MME: variants seen among roughly 807,000 people sequenced by gnomAD.
The protein encoded by MME is neprilysin.
In MME, 98 loss-of-function variants were observed where a neutral mutation model predicts 113.2. The ratio of observed to expected loss-of-function variants is 0.87; its 90% CI spans 0.74 to 1.02. MME has a LOEUF of 1.02. Ranked by LOEUF, MME falls within the 50% of genes least tolerant of loss-of-function variation. The pLI, the probability that MME is intolerant of heterozygous loss-of-function variation, is 0.00. For synonymous variants in MME, 292 were observed against 300.6 expected (o/e 0.97, Z 0.30); for missense variants, 836 against 896.0 (o/e 0.93, Z 0.86).
At chr3:155,025,838 G>A (rs1252421935) in intron 1 of MME, among the ~76,000 whole-genome samples, 3 of 150,398 alleles carry the variant, frequency 2.0e-5, no homozygotes, top group African/African-American at 7.3e-5. Flanking sequence ...GGGATTACAG[G>A]TGCCCGCCAC....
At chr3:155,116,421 T>A in intron 4 of MME, 58 bp from the exon 5 acceptor site, 2 of 1,247,512 alleles carry the variant, frequency 1.6e-6, no homozygotes, top group Non-Finnish European at 2.4e-6. Flanking sequence ...AGCAATTATG[T>A]TTGCATAGTG....
At chr3:155,029,701 A>G (rs1712904349) in intron 1 of MME, among the ~76,000 whole-genome samples, 1 of 152,140 alleles carries the variant, frequency 6.6e-6, no homozygotes, top group Non-Finnish European at 1.5e-5. Context: ...AATTCTGAAG[A>G]CATTTACATG....
chr3:155,092,549 C>A (rs965120761), intron 3 of MME, among the ~76,000 whole-genome samples: 14 of 152,174 alleles, frequency 9.2e-5, no homozygotes, highest in African/African-American at 3.1e-4. Flanking sequence ...GACTTCATTA[C>A]AGCATAATGC....
intron 1 of MME, among the ~76,000 whole-genome samples, chr3:155,069,030 G>C (rs1028315917): frequency 1.3e-5 from 2 of 152,158 alleles, no homozygotes; most frequent in East Asian, 3.9e-4. Context: ...AGATGAACTG[G>C]AACAAGGCTG....
chr3:155,125,820 T>C (rs541361743), intron 8 of MME, among the ~76,000 whole-genome samples: 1 of 152,186 alleles, frequency 6.6e-6, no homozygotes, highest in African/African-American at 2.4e-5. Flanking sequence ...TCTTACACGT[T>C]ATTAGATATT....
At chr3:155,121,681 G>T (rs1393454725) in intron 8 of MME, among the ~76,000 whole-genome samples, 1 of 87,868 alleles carries the variant, frequency 1.1e-5, no homozygotes, top group Non-Finnish European at 2.3e-5. Flanking sequence ...TAATCATGTG[G>T]TTTTTGTCTT....
At position 155,118,998 on chromosome 3, in the gene MME, A is replaced by C. The variant is rs116165155; in HGVS notation, c.720+187A>C. ...TGAACATTCTCAATAGAATGAATGAAGGTATTTTACAAAACTAGGAAACTT... is the reference window on the plus strand; with the variant it reads ...TGAACATTCTCAATAGAATGAATGACGGTATTTTACAAAACTAGGAAACTT... On this transcript the variant is annotated intron_variant, in intron 8 of 22. Transcript: ENST00000360490. 1.6e-3 allele frequency among the ~76,000 whole-genome samples: 238 copies of C among 152,330 alleles called. 1 individual carries two copies. The highest frequency in any genetic ancestry group is 5.5e-3 in the African/African-American group (229 of 41,586).
chr3:155,086,165 T>A (rs1715704856), intron 3 of MME, among the ~76,000 whole-genome samples: 1 of 152,028 alleles, frequency 6.6e-6, no homozygotes, highest in Admixed American at 6.5e-5. Flanking sequence ...TGGCCTGTGG[T>A]GAGAGAAGAG....
At chr3:155,159,299 G>C (rs1722540990) in intron 16 of MME, among the ~76,000 whole-genome samples, 1 of 152,008 alleles carries the variant, frequency 6.6e-6, no homozygotes, top group Non-Finnish European at 1.5e-5. Context: ...CCCCTTCTGT[G>C]AGTAGGATAA....
exon 1 of MME, chr3:155,024,319 T>G (rs1712700836): frequency 6.6e-6 from 1 of 152,238 alleles, no homozygotes. Flanking sequence ...ACACACGCTC[T>G]TGGCTGTAAG....
intron 22 of MME, among the ~76,000 whole-genome samples, chr3:155,178,782 TAA>T (rs1477693639): frequency 6.6e-6 from 1 of 152,236 alleles, no homozygotes; most frequent in East Asian, 1.9e-4. Context: ...TAATACAATG[TAA>T]ATGCTATGTA....
chr3:155,057,981 A>G (rs2108133109), intron 1 of MME, among the ~76,000 whole-genome samples: 1 of 152,104 alleles, frequency 6.6e-6, no homozygotes, highest in East Asian at 1.9e-4. Flanking sequence ...TGGAAGAGAA[A>G]GGTCTATCAT....
At chr3:155,170,913 G>T (rs1200713436) in intron 20 of MME, among the ~76,000 whole-genome samples, 1 of 152,066 alleles carries the variant, frequency 6.6e-6, no homozygotes, top group African/African-American at 2.4e-5. Context: ...TTCTCCTTTT[G>T]CCTGATGTTC....
intron 22 of MME, among the ~76,000 whole-genome samples, chr3:155,179,495 A>T (rs957246245): frequency 6.6e-6 from 1 of 152,308 alleles, no homozygotes; most frequent in Middle Eastern, 3.4e-3. Flanking sequence ...GGAGAATTCC[A>T]TAAATCAAAA....
chr3:155,104,490 A>C (rs1019774877), intron 3 of MME, among the ~76,000 whole-genome samples: 1 of 152,200 alleles, frequency 6.6e-6, no homozygotes, highest in Non-Finnish European at 1.5e-5. Flanking sequence ...AGCACTGTCG[A>C]CTCAGCTTTC....
At chr3:155,162,354 G>A (rs1722778912) in intron 17 of MME, among the ~76,000 whole-genome samples, 1 of 152,128 alleles carries the variant, frequency 6.6e-6, no homozygotes, top group African/African-American at 2.4e-5. Flanking sequence ...TTCATTTTGA[G>A]TATAATGTCT....
At chr3:155,091,454 G>A (rs1245149278) in intron 3 of MME, among the ~76,000 whole-genome samples, 1 of 152,146 alleles carries the variant, frequency 6.6e-6, no homozygotes, top group Non-Finnish European at 1.5e-5. Context: ...AAGACAATTA[G>A]CAATGCCTGG....
intron 1 of MME, among the ~76,000 whole-genome samples, chr3:155,024,747 A>G (rs1712718773): frequency 6.6e-6 from 1 of 152,238 alleles, no homozygotes; most frequent in Non-Finnish European, 1.5e-5. Context: ...ACATAGAAAA[A>G]GGGACATCTG....
chr3:155,027,494 C>G (rs1279016631), intron 1 of MME, among the ~76,000 whole-genome samples: 1 of 152,224 alleles, frequency 6.6e-6, no homozygotes, highest in Non-Finnish European at 1.5e-5. Flanking sequence ...CTTCCCTGCC[C>G]TCAGCACATA....
Sources: gnomAD v4.1 joint callset for allele counts (sites outside exome capture counted in the v4.1 genomes callset) on GRCh38, gnomAD v4.1.1 for gene constraint, MANE v1.5 for transcripts, NCBI Gene and HGNC (gene_info 2026-07-23, HGNC 2026-07-21) for gene names.